Variants in PRMT8 observed in about 807,000 individuals in gnomAD.
The protein encoded by PRMT8 is protein arginine N-methyltransferase 8.
A neutral mutation model predicts 47.1 loss-of-function variants in PRMT8; 7 were observed. The ratio of observed to expected loss-of-function variants is 0.15; its 90% CI spans 0.08 to 0.28. The LOEUF is 0.28. Among genes scored for constraint, PRMT8 ranks in the 10% least tolerant of loss-of-function variants. The probability of loss-of-function intolerance (pLI) is 1.00; values close to 1 mark genes in which losing one functional copy is unlikely to be tolerated. For missense variants in PRMT8, 237 were observed against 505.4 expected (o/e 0.47, Z 5.09); for synonymous variants, 188 against 186.5 (o/e 1.01, Z -0.07).
At chr12:3,507,260 T>A (rs1168982208) in intron 1 of PRMT8, among the ~76,000 whole-genome samples, 1 of 151,632 alleles carries the variant, frequency 6.6e-6, no homozygotes, top group Non-Finnish European at 1.5e-5. Flanking sequence ...TAGCTGAGAC[T>A]CCAGGTGCCC....
At position 3,483,090 on chromosome 12, in the gene PRMT8, C is replaced by T. The variant is rs999710759; in HGVS notation, c.49-57516C>T. 5.9e-5 allele frequency among the ~76,000 whole-genome samples: 9 copies of T among 152,144 alleles called. No homozygotes were observed. In the East Asian group the frequency reaches 9.6e-4, roughly 16 times the overall value. On this transcript the variant is annotated intron_variant, in intron 1 of 9. Transcript: ENST00000452611. ...CAGCAACCTTTCTGAGCCATCCTTC[C>T]GTGATCTGTAAAATGGGGGTAACCA...
intron 4 of PRMT8, among the ~76,000 whole-genome samples, chr12:3,567,996 T>C (rs953057703): frequency 1.1e-4 from 17 of 150,104 alleles, no homozygotes; most frequent in Non-Finnish European, 2.2e-4. Context: ...CGCTTGAACC[T>C]GGGAGGCGGA....
Position 3,538,394 on chromosome 12 carries a change from GA to G in PRMT8, c.76-2211del. 1 of 314,962 alleles carries G rather than the reference GA, an allele frequency of 3.2e-6. No homozygotes were observed. Among genetic ancestry groups the G allele is most frequent in the Non-Finnish European group, 6.3e-6 (1 of 158,048 alleles). 19.5% of individuals were successfully genotyped at this position (314,962 alleles called of 1,614,324 possible). ...ACCTGCACGCTGCCTTGCTGTTGGA[GA>G]TCTGTGCAGTAGGCAGTTGTGGAAT... On this transcript the variant is annotated intron_variant, in intron 1 of 9. Coordinates refer to ENST00000382622, the MANE Select transcript of PRMT8 (RefSeq NM_019854.5). This position sits in a 1 kb window ranked among gnomAD's most constrained non-coding sequence, Gnocchi z 4.6.
intron 1 of PRMT8, among the ~76,000 whole-genome samples, chr12:3,397,532 GGGTC>G (rs1864266850): frequency 1.3e-5 from 2 of 151,198 alleles, no homozygotes; most frequent in Non-Finnish European, 2.9e-5. Flanking sequence ...CGGGGGTCAG[GGGTC>G]AGGGACCCAC....
intron 1 of PRMT8, among the ~76,000 whole-genome samples, chr12:3,414,500 G>A (rs1201487327): frequency 6.6e-6 from 1 of 152,172 alleles, no homozygotes; most frequent in African/African-American, 2.4e-5. Context: ...GAGCCTGCAA[G>A]CGAGTGTGGG....
intron 1 of PRMT8, among the ~76,000 whole-genome samples, chr12:3,483,374 G>A (rs553836923): frequency 6.6e-6 from 1 of 152,276 alleles, no homozygotes; most frequent in African/African-American, 2.4e-5. Flanking sequence ...GAAATAAATG[G>A]ATACCTGGAA....
At chr12:3,559,061 C>A (rs1565441475) in intron 4 of PRMT8, among the ~76,000 whole-genome samples, 2 of 152,194 alleles carry the variant, frequency 1.3e-5, no homozygotes, top group East Asian at 1.9e-4. Flanking sequence ...AGCCAGCCAG[C>A]CAGCCAGACA....
chr12:3,442,181 A>C (rs1002184936), intron 1 of PRMT8, among the ~76,000 whole-genome samples: 6 of 152,228 alleles, frequency 3.9e-5, no homozygotes, highest in Non-Finnish European at 8.8e-5. Context: ...AAAGTAACTC[A>C]AGGAAAGCAG....
chr12:3,509,916 A>G (rs1331698615), intron 1 of PRMT8, among the ~76,000 whole-genome samples: 1 of 152,236 alleles, frequency 6.6e-6, no homozygotes, highest in Non-Finnish European at 1.5e-5. Flanking sequence ...CCGGCACGGC[A>G]TAAGTCTCAG....
chr12:3,571,660 G>A (rs193052001), intron 6 of PRMT8, among the ~76,000 whole-genome samples: 1 of 152,002 alleles, frequency 6.6e-6, no homozygotes, highest in Admixed American at 6.6e-5. Flanking sequence ...ATGTTATCTT[G>A]TGCTTGTTCT....
intron 1 of PRMT8, among the ~76,000 whole-genome samples, chr12:3,509,094 T>C (rs1235941325): frequency 6.6e-6 from 1 of 152,198 alleles, no homozygotes; most frequent in African/African-American, 2.4e-5. Flanking sequence ...ATCACAGCAG[T>C]GTGAGTGCAT....
At chr12:3,458,295 C>T (rs953810914) in intron 1 of PRMT8, among the ~76,000 whole-genome samples, 1 of 152,196 alleles carries the variant, frequency 6.6e-6, no homozygotes, top group Non-Finnish European at 1.5e-5. Context: ...TTTCCTCATC[C>T]CTGTGGCCAG....
chr12:3,382,917 T>A (rs572313929), intron 1 of PRMT8, among the ~76,000 whole-genome samples: 10 of 152,350 alleles, frequency 6.6e-5, no homozygotes, highest in African/African-American at 2.2e-4. Flanking sequence ...GGAGCTTTTT[T>A]CTCTTGTAGG....
intron 1 of PRMT8, among the ~76,000 whole-genome samples, chr12:3,400,530 C>T (rs149289500): frequency 5.5e-4 from 83 of 152,232 alleles, no homozygotes; most frequent in African/African-American, 1.9e-3. Context: ...GCCTACCAAC[C>T]AGAAAAAGCC....
intron 1 of PRMT8, among the ~76,000 whole-genome samples, chr12:3,522,596 G>A (rs2137143035): frequency 6.6e-6 from 1 of 151,428 alleles, no homozygotes; most frequent in South Asian, 2.1e-4. Flanking sequence ...CCAGGAGGCG[G>A]AGCTTGCAGT....
At chr12:3,397,965 C>T (rs1167455511) in intron 1 of PRMT8, among the ~76,000 whole-genome samples, 1 of 152,178 alleles carries the variant, frequency 6.6e-6, no homozygotes, top group Non-Finnish European at 1.5e-5. Flanking sequence ...GTGGGAGTGG[C>T]CTGATTTTCC....
chr12:3,420,050 AGAGAGAGAG>A, intron 1 of PRMT8, among the ~76,000 whole-genome samples: 1 of 150,986 alleles, frequency 6.6e-6, no homozygotes, highest in African/African-American at 2.4e-5. Flanking sequence ...AGAGAGAGAG[AGAGAGAGAG>A]AGAGAAGGGC....
chr12:3,483,450 G>GTT (rs3839983), intron 1 of PRMT8, among the ~76,000 whole-genome samples: 24 of 151,128 alleles, frequency 1.6e-4, no homozygotes, highest in Middle Eastern at 3.4e-3. Flanking sequence ...AACCATGATA[G>GTT]TTTTTTTTTT....
chr12:3,448,213 C>T (rs1046712594), intron 1 of PRMT8, among the ~76,000 whole-genome samples: 1 of 152,098 alleles, frequency 6.6e-6, no homozygotes, highest in African/African-American at 2.4e-5. Context: ...TTATGTTGCC[C>T]AGGCTGGTCT....
Sources: gnomAD v4.1 joint callset for allele counts (sites outside exome capture counted in the v4.1 genomes callset) on GRCh38, gnomAD v4.1.1 for gene constraint, Gnocchi (gnomAD v3.1) non-coding constraint, MANE v1.5 for transcripts, NCBI Gene and HGNC (gene_info 2026-07-23, HGNC 2026-07-21) for gene names.